DMD: variants seen among roughly 807,000 people sequenced by gnomAD.
DMD encodes the protein dystrophin, also known as mutant dystrophin.
In DMD, 63 loss-of-function variants were observed where a neutral mutation model predicts 330.1. That is an observed-to-expected ratio of 0.19 (90% CI 0.16 to 0.24). The LOEUF is 0.24. Among genes scored for constraint, DMD ranks in the 10% least tolerant of loss-of-function variants. The pLI is 1.00. For missense variants in DMD, 3,344 were observed against 2,684.1 expected (o/e 1.25, Z -5.43); for synonymous variants, 1,223 against 959.8 (o/e 1.27, Z -5.07).
Position 32,735,437 on chromosome X carries a change from A to G in DMD, c.650-36144T>C, listed in dbSNP as rs749039055. Among the ~76,000 whole-genome samples the G allele has an allele frequency of 2.7e-5, 3 of 111,197 alleles. No homozygotes were observed. The South Asian group carries it at 1.1e-3, about 42-fold the overall frequency. On this transcript the variant is annotated intron_variant, in intron 7 of 78. Coordinates refer to ENST00000357033, the MANE Select transcript of DMD (RefSeq NM_004006.3). ...CTACTTTAAAGTTGATATGGAACCA[A>G]AAAAGAGCCCGCATCACCAAGTCAC...
chrX:31,762,447 T>C (rs1272079283), intron 51 of DMD, among the ~76,000 whole-genome samples: 5 of 111,205 alleles, frequency 4.5e-5, no homozygotes, highest in Non-Finnish European at 9.4e-5. Flanking sequence ...TGCGTTCCCG[T>C]AATCCCAGCT....
chrX:32,615,097 C>T (rs1165725882), intron 11 of DMD, among the ~76,000 whole-genome samples: 1 of 111,140 alleles, frequency 9.0e-6, no homozygotes, highest in Non-Finnish European at 1.9e-5. Context: ...CTCAGCACAG[C>T]CCAAGGGGTG....
intron 42 of DMD, among the ~76,000 whole-genome samples, chrX:32,306,850 A>G (rs1234894789): frequency 9.0e-6 from 1 of 111,147 alleles, no homozygotes; most frequent in Non-Finnish European, 1.9e-5. Context: ...TACCATAAAG[A>G]ATAATATTAG....
chrX:31,599,362 GA>G (rs1161458066), intron 55 of DMD, among the ~76,000 whole-genome samples: 1 of 111,954 alleles, frequency 8.9e-6, no homozygotes, highest in Non-Finnish European at 1.9e-5. Context: ...GAACTCCAAA[GA>G]ATTAGAAGTT....
intron 29 of DMD, among the ~76,000 whole-genome samples, chrX:32,414,181 A>G (rs1208861026): frequency 9.0e-6 from 1 of 111,048 alleles, no homozygotes; most frequent in Non-Finnish European, 1.9e-5. Context: ...GTTCCCTTTT[A>G]CTGGCATAAT....
At chrX:32,189,664 C>T (rs997832132) in intron 44 of DMD, among the ~76,000 whole-genome samples, 9 of 109,671 alleles carry the variant, frequency 8.2e-5, no homozygotes, top group East Asian at 5.7e-4. Context: ...ATATTATTTC[C>T]GCAAAGTTAT....
chrX:31,871,519 A>C (rs1266648027), intron 48 of DMD, among the ~76,000 whole-genome samples: 1 of 110,605 alleles, frequency 9.0e-6, no homozygotes, highest in Non-Finnish European at 1.9e-5. Flanking sequence ...GTGTGCTCAG[A>C]GTTTGACTAG....
intron 63 of DMD, among the ~76,000 whole-genome samples, chrX:31,242,153 G>C (rs940174042): frequency 9.3e-6 from 1 of 107,161 alleles, no homozygotes; most frequent in Non-Finnish European, 1.9e-5. Flanking sequence ...CTGCCTGGGG[G>C]GCTGAGGCAG....
chrX:31,664,360 A>G (rs2081295177), intron 53 of DMD, among the ~76,000 whole-genome samples: 1 of 111,417 alleles, frequency 9.0e-6, no homozygotes. Flanking sequence ...ATTTGTGAAA[A>G]TAGTTAACTG....
At chrX:32,302,847 C>T (rs769781638) in intron 42 of DMD, among the ~76,000 whole-genome samples, 1 of 111,041 alleles carries the variant, frequency 9.0e-6, no homozygotes, top group African/African-American at 3.2e-5. Flanking sequence ...GTTATTATCA[C>T]TGATTTAATT....
chrX:32,345,607 G>A (rs770323850), intron 39 of DMD, among the ~76,000 whole-genome samples: 5 of 110,484 alleles, frequency 4.5e-5, no homozygotes, highest in African/African-American at 6.6e-5. Context: ...CATGTAGATC[G>A]GTTATTCTGG....
chrX:32,690,618 A>C (rs868058647), intron 9 of DMD, among the ~76,000 whole-genome samples: 4 of 110,787 alleles, frequency 3.6e-5, no homozygotes, highest in African/African-American at 1.3e-4. Flanking sequence ...AGTAATTAAA[A>C]ATAAATTGTA....
intron 2 of DMD, among the ~76,000 whole-genome samples, chrX:32,898,310 A>C (rs1461665247): frequency 8.9e-6 from 1 of 112,114 alleles, no homozygotes. Context: ...ACTGGTAGCC[A>C]TTGATCTAAT....
intron 60 of DMD, among the ~76,000 whole-genome samples, chrX:31,386,283 A>G (rs949980787): frequency 9.0e-6 from 1 of 111,339 alleles, no homozygotes; most frequent in Non-Finnish European, 1.9e-5. Context: ...GTAAATGACG[A>G]GTTAATGGGT....
chrX:31,136,736 A>G (rs1356056572), intron 76 of DMD, among the ~76,000 whole-genome samples: 3 of 112,551 alleles, frequency 2.7e-5, no homozygotes, highest in Non-Finnish European at 5.6e-5. Context: ...TCAAAGATCA[A>G]ATTATAAAGT....
chrX:31,473,849 C>T (rs2067526520), intron 59 of DMD, among the ~76,000 whole-genome samples: 1 of 111,328 alleles, frequency 9.0e-6, no homozygotes, highest in South Asian at 3.7e-4. Flanking sequence ...ATTCCACTTA[C>T]AGATCTATGT....
intron 51 of DMD, among the ~76,000 whole-genome samples, chrX:31,740,259 A>G (rs931783639): frequency 1.8e-5 from 2 of 112,526 alleles, no homozygotes; most frequent in African/African-American, 6.4e-5. Flanking sequence ...GTTATTCTAC[A>G]TTGTTCACAT....
At chrX:31,718,620 C>T (rs2148951562) in intron 52 of DMD, among the ~76,000 whole-genome samples, 1 of 110,597 alleles carries the variant, frequency 9.0e-6, no homozygotes, top group East Asian at 2.8e-4. Flanking sequence ...TACCTCTCTG[C>T]ACCACCTCTC....
At chrX:32,697,796 C>T (rs1055598035) in intron 9 of DMD, 74 bp downstream of exon 9, 50 of 1,183,028 alleles carry the variant, frequency 4.2e-5, no homozygotes, top group Middle Eastern at 4.7e-4. Context: ...AAAATTCAAG[C>T]AAGTAAAAGC....
Sources: allele counts gnomAD v4.1 joint callset (sites outside exome capture counted in the v4.1 genomes callset), GRCh38; gene constraint gnomAD v4.1.1; transcripts MANE v1.5; gene names NCBI Gene and HGNC (gene_info 2026-07-23, HGNC 2026-07-21).